The following CCDC88C variants were observed in gnomAD, a reference collection of about 807,000 sequenced individuals.
The protein encoded by CCDC88C is protein Daple.
A neutral mutation model predicts 198.8 loss-of-function variants in CCDC88C; 131 were observed. The ratio of observed to expected loss-of-function variants is 0.66; its 90% confidence interval spans 0.57 to 0.76. The LOEUF (loss-of-function observed/expected upper bound fraction) is 0.76, where lower values mean the gene tolerates loss of function less well. Among genes scored for constraint, CCDC88C ranks in the 30% least tolerant of loss-of-function variants. The pLI is 0.00. For synonymous variants in CCDC88C, 1,166 were observed against 1,114.7 expected, an observed-to-expected ratio of 1.05 and a Z score of -0.92; for missense variants, 2,553 against 2,631.6, an observed-to-expected ratio of 0.97 and a Z score of 0.65.
At chr14:91,317,965 G>A (rs1892180006) in intron 13 of CCDC88C, among the ~76,000 whole-genome samples, 1 of 152,262 alleles carries the variant, frequency 6.6e-6, no homozygotes. Context: ...AATATCACTA[G>A]GCCAGAGAGA....
chr14:91,398,268 A>C (rs1312075840), intron 3 of CCDC88C, among the ~76,000 whole-genome samples: 1 of 152,184 alleles, frequency 6.6e-6, no homozygotes. Flanking sequence ...ACAGAAACCA[A>C]ATCTGCCTCC....
chr14:91,299,891 G>A, intron 21 of CCDC88C, 36 bp downstream of exon 21: 1 of 1,549,902 alleles, frequency 6.5e-7, no homozygotes, highest in South Asian at 1.2e-5. Flanking sequence ...AGAATCTGGG[G>A]TGCTGCTATG....
chr14:91,342,182 A>T, intron 6 of CCDC88C, 198 bp downstream of exon 6: 1 of 418,450 alleles, frequency 2.4e-6, no homozygotes, highest in Non-Finnish European at 4.2e-6. Flanking sequence ...TTTTACCCTC[A>T]TTTTATTTTA....
chr14:91,339,566 A>G lies in CCDC88C; in HGVS notation c.625-104T>C. 1 of 1,139,666 alleles carries G rather than the reference A, an allele frequency of 8.8e-7. No individual in the cohort carries two copies. The highest frequency in any genetic ancestry group is 2.7e-5 in the Admixed American group (1 of 36,476). 70.6% of individuals were successfully genotyped at this position (1,139,666 alleles called of 1,614,324 possible). Reference sequence around the variant, plus strand: ...GAAACCGCCAAAAGACAGATATTTCAGCGGAGACTAAGAAACGAGGAGGAA... The same window carrying G: ...GAAACCGCCAAAAGACAGATATTTCGGCGGAGACTAAGAAACGAGGAGGAA... On this transcript the variant is annotated intron_variant, in intron 7 of 29. Transcript: ENST00000389857. This position sits in a 1 kb window ranked among gnomAD's most constrained non-coding sequence, Gnocchi z 5.8.
intron 3 of CCDC88C, among the ~76,000 whole-genome samples, chr14:91,399,655 C>G (rs977201804): frequency 6.6e-6 from 1 of 151,870 alleles, no homozygotes; most frequent in Non-Finnish European, 1.5e-5. Context: ...CTGGCCAACA[C>G]GGTGAAACCC....
In CCDC88C at chr14:91,313,409, GGTCCCGCCGCAGCGCCTGGC is replaced by G; in HGVS notation, c.2387_2406del (p.Arg796ProfsTer32). The G allele has an allele frequency of 6.2e-7, 1 of 1,607,788 alleles. No homozygotes were observed. ...GCATTGGCCAGCCGGAGGGCCTCCA[GGTCCCGCCGCAGCGCCTGGC>G]GCTCAGCCTCCAGCTCGCCCAGCTC... On this transcript the variant is annotated frameshift_variant, in exon 15 of 30. Coordinates refer to ENST00000389857, the MANE Select transcript of CCDC88C (RefSeq NM_001080414.4). LOFTEE classifies it high-confidence loss of function. The surrounding 1 kb of genome is among the most constrained non-coding windows in gnomAD (Gnocchi z 5.2).
At chr14:91,292,815 C>A (rs938543729) in intron 23 of CCDC88C, among the ~76,000 whole-genome samples, 1 of 152,168 alleles carries the variant, frequency 6.6e-6, no homozygotes, top group Non-Finnish European at 1.5e-5. Flanking sequence ...CACGAGATTC[C>A]TGGCACCAGG....
chr14:91,310,210 T>C (rs988586474), intron 15 of CCDC88C, among the ~76,000 whole-genome samples: 4 of 151,942 alleles, frequency 2.6e-5, no homozygotes, highest in Admixed American at 1.3e-4. Flanking sequence ...GGTGGCTACA[T>C]GTCAGGATGG....
intron 4 of CCDC88C, among the ~76,000 whole-genome samples, chr14:91,355,306 C>G (rs924631421): frequency 4.5e-4 from 68 of 152,268 alleles, no homozygotes; most frequent in African/African-American, 1.6e-3. Flanking sequence ...TGAGGGGAAA[C>G]AAGGCGAAGG....
intron 3 of CCDC88C, among the ~76,000 whole-genome samples, chr14:91,389,220 C>A (rs1047246520): frequency 1.3e-5 from 2 of 152,108 alleles, no homozygotes; most frequent in Non-Finnish European, 2.9e-5. Context: ...GGGACAGGTA[C>A]GGTGAGGAGG....
intron 3 of CCDC88C, among the ~76,000 whole-genome samples, chr14:91,373,808 G>A (rs986319581): frequency 4.6e-5 from 7 of 152,190 alleles, no homozygotes; most frequent in Non-Finnish European, 1.0e-4. Context: ...GTTGGGGGGT[G>A]GGCAGGGGTT....
Position 91,315,685 on chromosome 14 carries a change from C to T in CCDC88C, c.1630G>A (p.Asp544Asn), listed in dbSNP as rs1892063805. The change falls in exon 14 of 30, where the codon GAC (aspartate) becomes AAC (asparagine). Residue 544 changes from aspartate (D) to asparagine (N), a missense_variant. Transcript: ENST00000389857. Reference protein sequence around the residue: ...LIREKEQLQSDMETLKADKAR... With the variant: ...LIREKEQLQSNMETLKADKAR... The stretch of plus-strand genomic sequence containing the variant: ...TTGTCAGCCTTCAGGGTCTCCATGT[C>T]ACTCTGCAGCTGCTCCTTCTCTCTG... 1.2e-5 allele frequency: 19 copies of T among 1,613,788 alleles called. No homozygotes were observed. The highest frequency in any genetic ancestry group is 1.4e-5 in the Non-Finnish European group (16 of 1,179,880).
intron 3 of CCDC88C, 150 bp from the exon 4 acceptor site, chr14:91,359,861 G>A (rs900373105): frequency 3.1e-5 from 21 of 684,666 alleles, no homozygotes; most frequent in Non-Finnish European, 5.3e-5. Context: ...CAAGGAGCAC[G>A]TAAGATGCAA....
At chr14:91,336,313 C>T (rs1330440787) in intron 10 of CCDC88C, among the ~76,000 whole-genome samples, 1 of 152,114 alleles carries the variant, frequency 6.6e-6, no homozygotes, top group African/African-American at 2.4e-5. Context: ...TGTGACTGAG[C>T]GAGGATGCTC....
At chr14:91,286,630 A>C (rs112281953) in intron 25 of CCDC88C, among the ~76,000 whole-genome samples, 2,264 of 152,264 alleles carry the variant, frequency 0.015, 57 homozygotes, top group African/African-American at 0.052. Context: ...CCACAGCACC[A>C]CCTGGTGGCC....
At chr14:91,360,286 A>G (rs1412190264) in intron 3 of CCDC88C, among the ~76,000 whole-genome samples, 1 of 130,750 alleles carries the variant, frequency 7.6e-6, no homozygotes, top group Non-Finnish European at 1.6e-5. Context: ...ACACACACAC[A>G]CACACTCTTA....
intron 3 of CCDC88C, among the ~76,000 whole-genome samples, chr14:91,404,094 T>C (rs1049087882): frequency 2.6e-5 from 4 of 152,134 alleles, no homozygotes; most frequent in African/African-American, 9.7e-5. Context: ...TCAGCAGATA[T>C]CCCATTTGAG....
intron 21 of CCDC88C, among the ~76,000 whole-genome samples, chr14:91,298,107 G>A (rs1891095792): frequency 1.3e-5 from 2 of 152,194 alleles, no homozygotes; most frequent in African/African-American, 2.4e-5. Flanking sequence ...ACATAGACGT[G>A]TCTTATTTGG....
intron 16 of CCDC88C, among the ~76,000 whole-genome samples, chr14:91,309,245 A>G (rs1891697968): frequency 6.6e-6 from 1 of 152,106 alleles, no homozygotes; most frequent in Non-Finnish European, 1.5e-5. Context: ...AACAACAACA[A>G]AACCCATTAT....
Sources: allele counts gnomAD v4.1 joint callset (sites outside exome capture counted in the v4.1 genomes callset), GRCh38; gene constraint gnomAD v4.1.1; non-coding constraint Gnocchi (gnomAD v3.1); transcripts MANE v1.5; gene names NCBI Gene and HGNC (gene_info 2026-07-23, HGNC 2026-07-21).